Variants in ST7 observed in about 807,000 individuals in gnomAD.
The protein encoded by ST7 is suppressor of tumorigenicity 7 protein.
A neutral mutation model predicts 78.7 loss-of-function variants in ST7; 28 were observed. That is an observed-to-expected ratio of 0.36 (90% CI 0.26 to 0.49). ST7 has a LOEUF of 0.49. ST7 is among the 20% of genes least tolerant of loss of function. ST7 has a pLI of 0.99. For synonymous variants in ST7, 247 were observed against 249.6 expected (o/e 0.99, Z 0.10); for missense variants, 418 against 696.0 (o/e 0.60, Z 4.49).
At chr7:117,227,157 G>A (rs1364780087) in intron 15 of ST7, among the ~76,000 whole-genome samples, 1 of 152,170 alleles carries the variant, frequency 6.6e-6, no homozygotes, top group Non-Finnish European at 1.5e-5. Flanking sequence ...TACAGCTCAA[G>A]GTGAGGCTCC....
chr7:116,995,540 C>A lies in ST7; in HGVS notation c.151+41849C>A, dbSNP rs184181213. Among the ~76,000 whole-genome samples the A allele has an allele frequency of 2.0e-5, 3 of 152,322 alleles. No individual in the cohort carries two copies. The East Asian group carries it at 5.8e-4, about 29-fold the overall frequency. ...GCACTTATTGGGAGCCCATGGGAAG[C>A]AATCCTGAGTGAGAAGGAAGCTGTT... On this transcript the variant is annotated intron_variant, in intron 1 of 15. Coordinates refer to ENST00000323984, the MANE Select transcript of ST7 (RefSeq NM_001369598.1).
intron 13 of ST7, among the ~76,000 whole-genome samples, chr7:117,214,287 G>T (rs1792515359): frequency 6.6e-6 from 1 of 151,934 alleles, no homozygotes; most frequent in South Asian, 2.1e-4. Flanking sequence ...TCTTTTTAGA[G>T]ATCCCCCCGC....
At chr7:117,070,336 G>A (rs78742241) in intron 1 of ST7, among the ~76,000 whole-genome samples, 2,538 of 152,268 alleles carry the variant, frequency 0.017, 81 homozygotes, top group African/African-American at 0.059. Context: ...AGGAGACGAT[G>A]AACCATAAAA....
At chr7:117,180,303 A>T (rs1351875805) in intron 10 of ST7, among the ~76,000 whole-genome samples, 1 of 152,178 alleles carries the variant, frequency 6.6e-6, no homozygotes, top group Non-Finnish European at 1.5e-5. Context: ...AAAATGTGGA[A>T]GAGGGGAACA....
intron 1 of ST7, among the ~76,000 whole-genome samples, chr7:117,007,427 G>T (rs1215110748): frequency 1.3e-5 from 2 of 152,212 alleles, no homozygotes; most frequent in Admixed American, 6.5e-5. Flanking sequence ...TGAGGAAGCT[G>T]CAGAGGAACG....
chr7:117,019,909 T>C (rs1433297699), intron 1 of ST7, among the ~76,000 whole-genome samples: 1 of 152,228 alleles, frequency 6.6e-6, no homozygotes, highest in Non-Finnish European at 1.5e-5. Context: ...TTAATTCCCT[T>C]GAAAAGTTCT....
At chr7:116,967,926 CTG>C in intron 1 of ST7, among the ~76,000 whole-genome samples, 1 of 152,280 alleles carries the variant, frequency 6.6e-6, no homozygotes, top group Middle Eastern at 3.4e-3. Context: ...TGTATGTCCT[CTG>C]TAGGTTTTCT....
At chr7:116,992,777 TG>T (rs895204765) in intron 1 of ST7, among the ~76,000 whole-genome samples, 1 of 152,242 alleles carries the variant, frequency 6.6e-6, no homozygotes, top group African/African-American at 2.4e-5. Flanking sequence ...TTTTATGCTC[TG>T]CTTCCCTTTT....
chr7:116,981,458 G>A (rs1793956095), intron 1 of ST7, among the ~76,000 whole-genome samples: 3 of 152,180 alleles, frequency 2.0e-5, no homozygotes, highest in South Asian at 2.1e-4. Context: ...ACCCTTGGCT[G>A]TGATGATGCT....
intron 15 of ST7, chr7:117,224,048 C>A: frequency 2.0e-6 from 1 of 508,688 alleles, no homozygotes; most frequent in Non-Finnish European, 2.5e-6. Flanking sequence ...TAATAGCAAC[C>A]CTGAGTGGAG....
chr7:117,207,936 A>T (rs1483785098), intron 12 of ST7, among the ~76,000 whole-genome samples: 1 of 151,724 alleles, frequency 6.6e-6, no homozygotes, highest in African/African-American at 2.4e-5. Flanking sequence ...CAAGTTATTT[A>T]TTTTTTTTCA....
intron 12 of ST7, among the ~76,000 whole-genome samples, chr7:117,195,860 G>A (rs1810262581): frequency 6.6e-6 from 1 of 152,076 alleles, no homozygotes; most frequent in South Asian, 2.1e-4. Context: ...GTAATCTCCA[G>A]AACTTTTTCA....
At chr7:117,032,504 G>C (rs1026302388) in intron 1 of ST7, among the ~76,000 whole-genome samples, 1 of 152,108 alleles carries the variant, frequency 6.6e-6, no homozygotes, top group Admixed American at 6.5e-5. Flanking sequence ...GGATCCTTAT[G>C]ATCAAGAGAT....
chr7:117,214,910 TTGTGTGTGTGTGTGTGTGTG>T (rs147915016), intron 13 of ST7, among the ~76,000 whole-genome samples: 35 of 143,266 alleles, frequency 2.4e-4, no homozygotes, highest in African/African-American at 8.4e-4. Flanking sequence ...GGAAGAACAT[TTGTGTGTGTGTGTGTGTGTG>T]TGTGTGTGTG....
chr7:117,211,744 T>C (rs181423679), intron 13 of ST7, among the ~76,000 whole-genome samples: 80 of 152,186 alleles, frequency 5.3e-4, no homozygotes, highest in Admixed American at 2.0e-3. Flanking sequence ...TCTTTGGAAA[T>C]TAGTTATCCA....
At chr7:117,152,184 TATA>T (rs1340206667) in intron 9 of ST7, among the ~76,000 whole-genome samples, 4,719 of 68,110 alleles carry the variant, frequency 0.069, 422 homozygotes, top group African/African-American at 0.22. Flanking sequence ...AAACTATATA[TATA>T]TATATATATA....
intron 9 of ST7, among the ~76,000 whole-genome samples, chr7:117,165,128 G>A (rs946027229): frequency 6.6e-5 from 10 of 152,222 alleles, no homozygotes; most frequent in Non-Finnish European, 5.9e-5. Context: ...GACAAGGCTA[G>A]AATTTAATCC....
intron 10 of ST7, among the ~76,000 whole-genome samples, chr7:117,185,995 C>G (rs1429221042): frequency 6.6e-6 from 1 of 152,030 alleles, no homozygotes; most frequent in South Asian, 2.1e-4. Context: ...ACTAATAGAA[C>G]AGTTATAACA....
At chr7:117,005,498 T>G (rs1795120074) in intron 1 of ST7, among the ~76,000 whole-genome samples, 1 of 152,148 alleles carries the variant, frequency 6.6e-6, no homozygotes, top group African/African-American at 2.4e-5. Context: ...TATTTCCAAT[T>G]TTTACAAATA....
Sources: allele counts gnomAD v4.1 joint callset (sites outside exome capture counted in the v4.1 genomes callset), GRCh38; gene constraint gnomAD v4.1.1; transcripts MANE v1.5; gene names NCBI Gene and HGNC (gene_info 2026-07-23, HGNC 2026-07-21).